Variants in LYPD6B observed in about 807,000 individuals in gnomAD.
LYPD6B encodes LY6/PLAUR domain containing 6B.
Under a neutral mutation model 22.8 loss-of-function variants are expected in LYPD6B, and 17 were observed. The observed-to-expected ratio is 0.75, with a 90% CI of 0.51 to 1.12. The LOEUF is 1.12. LYPD6B is among the 50% of genes most tolerant of loss of function. The pLI is 0.00. For synonymous variants in LYPD6B, 106 were observed against 91.6 expected (o/e 1.16, Z -0.90); for missense variants, 221 against 258.3 (o/e 0.86, Z 0.99).
At chr2:149,052,150 G>A (rs1683589669) in intron 1 of LYPD6B, among the ~76,000 whole-genome samples, 1 of 151,934 alleles carries the variant, frequency 6.6e-6, no homozygotes, top group African/African-American at 2.4e-5. Flanking sequence ...TCCGCCTCCT[G>A]GGTTCAAGTG....
rs141716681 is a variant in LYPD6B at position 149,161,758 on chromosome 2, AG to A, written c.77+926del. Among the ~76,000 whole-genome samples, 954 of 152,346 alleles carry A rather than the reference AG, an allele frequency of 6.3e-3. 11 individuals are homozygous for A. The highest frequency in any genetic ancestry group is 0.022 in the African/African-American group (919 of 41,590). ...CTTAAGATTATGAGCTGATCTGGCC[AG>A]GGCCATGTTTATGTTCCTGTTTCTT... On this transcript the variant is annotated intron_variant, in intron 3 of 6. Transcript: ENST00000409642.
At chr2:149,191,834 A>G (rs1475716759) in intron 3 of LYPD6B, among the ~76,000 whole-genome samples, 1 of 152,222 alleles carries the variant, frequency 6.6e-6, no homozygotes, top group Non-Finnish European at 1.5e-5. Context: ...TATTAGTTAT[A>G]TCCTAATATA....
intron 1 of LYPD6B, among the ~76,000 whole-genome samples, chr2:149,039,816 T>G (rs1355183664): frequency 6.6e-6 from 1 of 152,190 alleles, no homozygotes; most frequent in Non-Finnish European, 1.5e-5. Context: ...GGGCTGCCAG[T>G]GCACGGGCCC....
intron 3 of LYPD6B, among the ~76,000 whole-genome samples, chr2:149,173,184 T>A (rs1007008570): frequency 6.6e-6 from 1 of 151,784 alleles, no homozygotes; most frequent in African/African-American, 2.4e-5. Flanking sequence ...CTGTGTTTTT[T>A]TTTTTAAAAA....
intron 3 of LYPD6B, among the ~76,000 whole-genome samples, chr2:149,161,911 C>A (rs191231654): frequency 6.6e-6 from 1 of 152,146 alleles, no homozygotes; most frequent in East Asian, 1.9e-4. Flanking sequence ...ATTTTATGAC[C>A]CTAATAAGGC....
Position 149,047,801 on chromosome 2 carries a change from C to G in LYPD6B, c.-67+9000C>G, listed in dbSNP as rs150138647. Among the ~76,000 whole-genome samples the G allele has an allele frequency of 5.0e-3, 760 of 152,148 alleles. 8 individuals carry two copies. The highest frequency in any genetic ancestry group is 0.024 in the South Asian group (118 of 4,824). On this transcript the variant is annotated intron_variant, in intron 1 of 6. Coordinates refer to ENST00000409642, the MANE Select transcript of LYPD6B (RefSeq NM_177964.5). ...TCCCACAGCTCTTGGGCACTCCATT[C>G]GTTTTTTGCTTGTTTTATTCATGTT...
At chr2:149,090,948 C>G (rs1342636909) in intron 1 of LYPD6B, among the ~76,000 whole-genome samples, 2 of 151,924 alleles carry the variant, frequency 1.3e-5, no homozygotes, top group Non-Finnish European at 2.9e-5. Flanking sequence ...TGTGTGGTTA[C>G]TTTTTTTTGA....
chr2:149,149,222 A>G (rs897886073), intron 2 of LYPD6B, among the ~76,000 whole-genome samples: 1 of 152,204 alleles, frequency 6.6e-6, no homozygotes, highest in Admixed American at 6.5e-5. Context: ...CACCAACCTA[A>G]TAGAAAGAAC....
At chr2:149,194,720 A>G (rs957432064) in intron 3 of LYPD6B, among the ~76,000 whole-genome samples, 1 of 152,216 alleles carries the variant, frequency 6.6e-6, no homozygotes, top group Non-Finnish European at 1.5e-5. Context: ...TGGCCAAACC[A>G]AACCAGCAGC....
intron 3 of LYPD6B, among the ~76,000 whole-genome samples, chr2:149,178,769 C>T (rs975062818): frequency 6.6e-6 from 1 of 152,186 alleles, no homozygotes; most frequent in Non-Finnish European, 1.5e-5. Flanking sequence ...ACAAATGATG[C>T]ATCCCTGTAC....
intron 3 of LYPD6B, among the ~76,000 whole-genome samples, chr2:149,196,887 G>A (rs773896120): frequency 3.3e-5 from 5 of 152,166 alleles, no homozygotes; most frequent in Non-Finnish European, 7.3e-5. Flanking sequence ...GACCCTGAAT[G>A]CTAAATTTCC....
intron 2 of LYPD6B, among the ~76,000 whole-genome samples, chr2:149,134,043 C>G (rs1196590875): frequency 6.6e-6 from 1 of 152,018 alleles, no homozygotes; most frequent in Non-Finnish European, 1.5e-5. Flanking sequence ...GTAAGCAAAG[C>G]AAGCCAGCAG....
chr2:149,176,768 C>T (rs940383560), intron 3 of LYPD6B, among the ~76,000 whole-genome samples: 2 of 152,224 alleles, frequency 1.3e-5, no homozygotes, highest in Non-Finnish European at 2.9e-5. Flanking sequence ...TATATGCTAG[C>T]ATGGTAGCCA....
chr2:149,179,099 A>G (rs781041542), intron 3 of LYPD6B, among the ~76,000 whole-genome samples: 2 of 152,208 alleles, frequency 1.3e-5, no homozygotes, highest in Non-Finnish European at 2.9e-5. Context: ...AGACGAGTGC[A>G]TGCTGGCTGG....
chr2:149,090,136 T>G (rs1318226161), intron 1 of LYPD6B, among the ~76,000 whole-genome samples: 1 of 152,182 alleles, frequency 6.6e-6, no homozygotes, highest in East Asian at 1.9e-4. Context: ...TTTACTGCAG[T>G]GAGGATTTTG....
chr2:149,105,907 G>T (rs987527923), intron 1 of LYPD6B, among the ~76,000 whole-genome samples: 3 of 152,000 alleles, frequency 2.0e-5, no homozygotes, highest in Non-Finnish European at 4.4e-5. Flanking sequence ...CTATTAAATA[G>T]TATATTAACT....
intron 1 of LYPD6B, among the ~76,000 whole-genome samples, chr2:149,085,636 G>A (rs1232194564): frequency 6.6e-6 from 1 of 152,238 alleles, no homozygotes; most frequent in Non-Finnish European, 1.5e-5. Flanking sequence ...GCAATGGGCT[G>A]TGGATGTGGA....
At chr2:149,146,799 T>C (rs1257572403) in intron 2 of LYPD6B, among the ~76,000 whole-genome samples, 1 of 151,980 alleles carries the variant, frequency 6.6e-6, no homozygotes, top group African/African-American at 2.4e-5. Context: ...CTGGAGACTT[T>C]AGGGGCTGGT....
At chr2:149,075,667 G>A (rs545129933) in intron 1 of LYPD6B, among the ~76,000 whole-genome samples, 1 of 152,284 alleles carries the variant, frequency 6.6e-6, no homozygotes, top group African/African-American at 2.4e-5. Flanking sequence ...GTTTGACTAT[G>A]ACCTGGGTTT....
Sources: gnomAD v4.1 joint callset for allele counts (sites outside exome capture counted in the v4.1 genomes callset) on GRCh38, gnomAD v4.1.1 for gene constraint, MANE v1.5 for transcripts, NCBI Gene and HGNC (gene_info 2026-07-23, HGNC 2026-07-21) for gene names.